Variants in CAPS2 observed in about 807,000 individuals in gnomAD.
CAPS2 encodes calcyphosin-2.
In CAPS2, 98 loss-of-function variants were observed where a neutral mutation model predicts 86.5. That is an observed-to-expected ratio of 1.13 (90% CI 0.96 to 1.34). The LOEUF (loss-of-function observed/expected upper bound fraction) is 1.34, where lower values mean the gene tolerates loss of function less well. Among genes scored for constraint, CAPS2 ranks in the 40% most tolerant of loss-of-function variants. The pLI is 0.00. For missense variants in CAPS2, 729 were observed against 686.8 expected (o/e 1.06, Z -0.69); for synonymous variants, 210 against 225.1 (o/e 0.93, Z 0.60).
intron 12 of CAPS2, among the ~76,000 whole-genome samples, chr12:75,292,609 A>ATATGTATCTATACATATTATG (rs1264857325): frequency 6.8e-6 from 1 of 146,904 alleles, no homozygotes; most frequent in African/African-American, 2.5e-5. Flanking sequence ...TACATATTAT[A>ATATGTATCTATACATATTATG]TATGTATCTA....
chr12:75,372,808 G>A (rs2044446443), intron 1 of CAPS2, among the ~76,000 whole-genome samples: 1 of 152,220 alleles, frequency 6.6e-6, no homozygotes, highest in Non-Finnish European at 1.5e-5. Flanking sequence ...TGAATTCCAT[G>A]AGCATGAGCC....
chr12:75,364,531 A>G (rs2043834753), intron 1 of CAPS2, among the ~76,000 whole-genome samples: 1 of 152,244 alleles, frequency 6.6e-6, no homozygotes, highest in South Asian at 2.1e-4. Flanking sequence ...GTTCCAGCCC[A>G]GATGGGAATG....
upstream of CAPS2, chr12:75,334,659 G>A (rs2041586206): frequency 1.3e-6 from 2 of 1,557,594 alleles, no homozygotes; most frequent in African/African-American, 1.4e-5. Context: ...GGGGCGTGGG[G>A]AAATCGGGTT....
chr12:75,293,941 AT>A (rs1160955661), intron 11 of CAPS2, among the ~76,000 whole-genome samples: 1 of 151,048 alleles, frequency 6.6e-6, no homozygotes, highest in Non-Finnish European at 1.5e-5. Context: ...TATAATTTTT[AT>A]TTTTTTTTGA....
chr12:75,347,702 T>C (rs751072576), intron 1 of CAPS2: 1 of 1,600,938 alleles, frequency 6.2e-7, no homozygotes, highest in Non-Finnish European at 8.5e-7. Flanking sequence ...CTGCAATATT[T>C]GTATGCAACT....
intron 7 of CAPS2, chr12:75,306,210 C>T: frequency 5.7e-6 from 4 of 699,296 alleles, no homozygotes; most frequent in East Asian, 2.6e-5. Flanking sequence ...AGCTGGTGTT[C>T]CCGGGCCAGC....
intron 1 of CAPS2, among the ~76,000 whole-genome samples, chr12:75,342,208 G>A (rs2042168994): frequency 6.6e-6 from 1 of 152,242 alleles, no homozygotes; most frequent in Middle Eastern, 3.4e-3. Flanking sequence ...GATATTGTGG[G>A]AGTGATTACT....
chr12:75,291,500 T>C (rs1245454993), intron 13 of CAPS2, among the ~76,000 whole-genome samples: 3 of 109,652 alleles, frequency 2.7e-5, no homozygotes, highest in African/African-American at 7.0e-5. Context: ...TATATATATA[T>C]ATATATATAT....
At chr12:75,370,416 A>G in intron 1 of CAPS2, 1 of 310,780 alleles carries the variant, frequency 3.2e-6, no homozygotes, top group South Asian at 8.8e-5. Flanking sequence ...AAAGTGTTCC[A>G]CTCTTTAATT....
At position 75,352,787 on chromosome 12, in the gene CAPS2, T is replaced by C. The variant is rs532446339; in HGVS notation, c.-394-29565A>G. On this transcript the variant is annotated intron_variant, in intron 1 of 5. Coordinates refer to the CAPS2 transcript ENST00000551829. Reference sequence around the variant, plus strand: ...CTCAGCAAATGCAAAAGAACTGAAATCATAACAGTCTCTCAGAACAAAATA... The same window carrying C: ...CTCAGCAAATGCAAAAGAACTGAAACCATAACAGTCTCTCAGAACAAAATA... Among the ~76,000 whole-genome samples the C allele has an allele frequency of 3.3e-5, 5 of 152,194 alleles. No homozygotes were observed. The East Asian group carries it at 9.7e-4, about 29-fold the overall frequency.
At chr12:75,333,463 C>T (rs1472999388), upstream of CAPS2, among the ~76,000 whole-genome samples, 12 of 152,162 alleles carry the variant, frequency 7.9e-5, no homozygotes, top group Non-Finnish European at 4.4e-5. Flanking sequence ...CACACACACA[C>T]GTATATATGT....
chr12:75,300,109 T>C (rs1419442868), intron 8 of CAPS2, among the ~76,000 whole-genome samples, 198 bp from the exon 9 acceptor site: 2 of 152,164 alleles, frequency 1.3e-5, no homozygotes, highest in Non-Finnish European at 2.9e-5. Context: ...TAGTATATAA[T>C]ACGTGAATGA....
At chr12:75,283,817 A>C (rs2034402424) in intron 15 of CAPS2, among the ~76,000 whole-genome samples, 1 of 151,998 alleles carries the variant, frequency 6.6e-6, no homozygotes, top group South Asian at 2.1e-4. Flanking sequence ...CCACCTCAAA[A>C]AAATAAATAA....
chr12:75,332,276 TC>T (rs1185104311), upstream of CAPS2, among the ~76,000 whole-genome samples: 37 of 152,228 alleles, frequency 2.4e-4, no homozygotes, highest in African/African-American at 8.0e-4. Context: ...ATTAACCTTA[TC>T]CCTATCAACC....
At chr12:75,346,579 C>A (rs954263173) in intron 1 of CAPS2, among the ~76,000 whole-genome samples, 2 of 151,980 alleles carry the variant, frequency 1.3e-5, no homozygotes, top group South Asian at 4.2e-4. Flanking sequence ...TTAGTAGAAA[C>A]GGGGTTTTGC....
At chr12:75,361,086 G>A (rs2043553265) in intron 1 of CAPS2, 1 of 152,318 alleles carries the variant, frequency 6.6e-6, no homozygotes, top group African/African-American at 2.4e-5. Flanking sequence ...AAATGTGGCA[G>A]GAAGGGGATG....
chr12:75,289,551 G>C, intron 14 of CAPS2, 70 bp downstream of exon 14: 1 of 1,361,458 alleles, frequency 7.3e-7, no homozygotes, highest in Non-Finnish European at 1.0e-6. Flanking sequence ...TAAAATTTCA[G>C]TAGAACAGTG....
chr12:75,378,073 C>T (rs2044755495), intron 1 of CAPS2, among the ~76,000 whole-genome samples: 1 of 152,050 alleles, frequency 6.6e-6, no homozygotes, highest in Non-Finnish European at 1.5e-5. Flanking sequence ...TTTTGGCTCA[C>T]TGCAACCTCC....
At chr12:75,354,992 A>T (rs1245684581) in intron 1 of CAPS2, among the ~76,000 whole-genome samples, 1 of 152,228 alleles carries the variant, frequency 6.6e-6, no homozygotes, top group Non-Finnish European at 1.5e-5. Flanking sequence ...AGATGGATTA[A>T]AGGCTTAAAT....
Sources: gnomAD v4.1 joint callset for allele counts (sites outside exome capture counted in the v4.1 genomes callset) on GRCh38, gnomAD v4.1.1 for gene constraint, MANE v1.5 for transcripts, NCBI Gene and HGNC (gene_info 2026-07-23, HGNC 2026-07-21) for gene names.